Variants in CBFB observed in about 807,000 individuals in gnomAD.
The protein encoded by CBFB is core-binding factor subunit beta, also known as CBF-beta.
CBFB carries 9 observed loss-of-function variants against 30.4 expected under a neutral mutation model. The ratio of observed to expected loss-of-function variants is 0.30; its 90% confidence interval spans 0.18 to 0.52. CBFB has a LOEUF of 0.52. Ranked by LOEUF, CBFB falls within the 20% of genes least tolerant of loss-of-function variation. The pLI is 0.97. For missense variants in CBFB, 170 were observed against 244.0 expected (o/e 0.70, Z 2.02); for synonymous variants, 94 against 84.0 (o/e 1.12, Z -0.65).
At chr16:67,050,830 T>C (rs2054533994) in intron 3 of CBFB, among the ~76,000 whole-genome samples, 1 of 152,134 alleles carries the variant, frequency 6.6e-6, no homozygotes, top group Admixed American at 6.6e-5. Flanking sequence ...AGTGGAACAC[T>C]AATAACAATA....
intron 3 of CBFB, among the ~76,000 whole-genome samples, chr16:67,059,972 CTTTCT>C (rs1409379149): frequency 6.7e-5 from 10 of 148,220 alleles, no homozygotes; most frequent in African/African-American, 1.8e-4. Flanking sequence ...TTCTTTCTTT[CTTTCT>C]TTTTTTTTTT....
intron 3 of CBFB, among the ~76,000 whole-genome samples, chr16:67,061,946 C>G (rs1351580905): frequency 1.3e-5 from 2 of 151,848 alleles, no homozygotes; most frequent in Non-Finnish European, 1.5e-5. Context: ...GCAGGAGAAT[C>G]CTTTGAACCT....
Position 67,029,802 on chromosome 16 carries a change from C to T in CBFB, c.154C>T (p.Arg52Cys), listed in dbSNP as rs977318029. 5.0e-6 allele frequency: 8 copies of T among 1,586,870 alleles called. No homozygotes were observed. The highest frequency in any genetic ancestry group is 6.8e-6 in the Non-Finnish European group (8 of 1,168,870). The change falls in exon 2 of 6, where the codon CGC becomes TGC. Residue 52 changes from arginine to cysteine, a missense_variant. Coordinates refer to ENST00000412916, the MANE Select transcript of CBFB (RefSeq NM_022845.3). ...CTTCCAGAACGCCTGCCGCGACGGC[C>T]GCTCGGAAATCGTAAGTCGGCTGGC... ...ARFQNACRDG[R>C]SEIAFVATGT...
Position 67,066,686 on chromosome 16 carries a change from A to AT in CBFB, c.290dup (p.Leu97PhefsTer19). 6.4e-7 allele frequency: 1 copy of AT among 1,571,254 alleles called. No individual in the cohort carries two copies. Among genetic ancestry groups the AT allele is most frequent in the Non-Finnish European group, 8.7e-7 (1 of 1,143,620 alleles). ...TCATCCTTTTCTGTGTCTTAGGTAT[A>AT]TTTGAAGGCTCCCATGATTCTGAAT... On this transcript the variant is annotated frameshift_variant, in exon 4 of 6. Transcript: ENST00000412916. LOFTEE classifies it high-confidence loss of function.
chr16:67,070,418 C>A (rs1410109696), intron 4 of CBFB, among the ~76,000 whole-genome samples: 3 of 152,124 alleles, frequency 2.0e-5, no homozygotes, highest in Non-Finnish European at 4.4e-5. Flanking sequence ...CCCTGATTTC[C>A]ACAATGCTAA....
rs1002863812 is a variant in CBFB, at chr16:67,049,840, T to G, written c.282+13085T>G. Among the ~76,000 whole-genome samples, 5 of 152,248 alleles carry G rather than the reference T, an allele frequency of 3.3e-5. No homozygotes were observed. In the South Asian group the frequency reaches 1.0e-3, roughly 32 times the overall value. On this transcript the variant is annotated intron_variant, in intron 3 of 5. Transcript: ENST00000412916. Reference sequence around the variant, plus strand: ...ACACTGTGCTAGATGGTTTACATTATCACTAATTCTCCTAATACTGCACTG... The same window carrying G: ...ACACTGTGCTAGATGGTTTACATTAGCACTAATTCTCCTAATACTGCACTG...
rs569315875 is a variant in CBFB, at chr16:67,097,384, A to G, written c.496-1326A>G. On this transcript the variant is annotated intron_variant, in intron 5 of 5. Transcript: ENST00000412916. ...AACGTGGAGAAACCCCATCTCTACTAAAACTACAAAATTAGCCGGGCGTGG... is the reference window on the plus strand; with the variant it reads ...AACGTGGAGAAACCCCATCTCTACTGAAACTACAAAATTAGCCGGGCGTGG... 2.5e-3 allele frequency among the ~76,000 whole-genome samples: 379 copies of G among 152,272 alleles called. 2 individuals are homozygous for G. The highest frequency in any genetic ancestry group is 4.2e-3 in the Non-Finnish European group (285 of 68,008).
At chr16:67,063,724 G>A (rs1399260839) in intron 3 of CBFB, among the ~76,000 whole-genome samples, 1 of 152,066 alleles carries the variant, frequency 6.6e-6, no homozygotes, top group Admixed American at 6.6e-5. Flanking sequence ...GAGCTGCTGC[G>A]GCCAGCCAGA....
At chr16:67,057,776 ATTGATT>A (rs1960773615) in intron 3 of CBFB, among the ~76,000 whole-genome samples, 1 of 152,122 alleles carries the variant, frequency 6.6e-6, no homozygotes, top group African/African-American at 2.4e-5. Context: ...TCCTTTTACT[ATTGATT>A]TTAAGTGTTG....
At chr16:67,068,406 A>G (rs1445059592) in intron 4 of CBFB, among the ~76,000 whole-genome samples, 1 of 152,130 alleles carries the variant, frequency 6.6e-6, no homozygotes. Context: ...GCTTGAGTCC[A>G]GGAGCTCAAG....
intron 3 of CBFB, among the ~76,000 whole-genome samples, chr16:67,057,182 C>T (rs1037486468): frequency 1.3e-5 from 2 of 151,900 alleles, no homozygotes; most frequent in Non-Finnish European, 2.9e-5. Context: ...GGGGTTTCAC[C>T]ATGTTGGCCA....
intron 3 of CBFB, 128 bp downstream of exon 3, chr16:67,036,883 C>T (rs1966448153): frequency 3.1e-6 from 2 of 647,762 alleles, no homozygotes; most frequent in Admixed American, 2.4e-5. Flanking sequence ...GTTTTCATTC[C>T]ATGTTATAAG....
chr16:67,042,276 C>G (rs533698786), intron 3 of CBFB, among the ~76,000 whole-genome samples: 2 of 152,204 alleles, frequency 1.3e-5, no homozygotes, highest in Middle Eastern at 3.4e-3. Context: ...CTGCCTCTGT[C>G]TCTTGACTGA....
chr16:67,098,991 A>G lies in CBFB; in HGVS notation c.*213A>G. On this transcript the variant is annotated 3_prime_UTR_variant, in exon 6 of 6. Transcript: ENST00000412916. ...TAATTTTTTAAGCATGTAGCCAGTA[A>G]TAATTTGAAGTTTTTTTTCTATGCA... is the stretch of plus-strand genomic sequence containing the variant. The G allele has an allele frequency of 2.4e-6, 1 of 421,790 alleles. No individual in the cohort carries two copies. Among genetic ancestry groups the G allele is most frequent in the Non-Finnish European group, 4.2e-6 (1 of 238,970 alleles). The allele number at this position is 421,790 out of a possible 1,614,324, so 26.1% of individuals were successfully genotyped here.
intron 3 of CBFB, among the ~76,000 whole-genome samples, chr16:67,037,739 C>T (rs1337681098): frequency 1.4e-5 from 2 of 146,186 alleles, no homozygotes; most frequent in African/African-American, 5.2e-5. Flanking sequence ...GTGATCTTGG[C>T]TCACAGCAAC....
At chr16:67,075,196 A>AATAT (rs145342607) in intron 4 of CBFB, among the ~76,000 whole-genome samples, 2 of 42,116 alleles carry the variant, frequency 4.7e-5, no homozygotes, top group Non-Finnish European at 9.9e-5. Context: ...TCTCAAAAAA[A>AATAT]ATGTGTGTGT....
intron 5 of CBFB, among the ~76,000 whole-genome samples, chr16:67,089,952 G>C (rs904515211): frequency 6.6e-6 from 1 of 152,176 alleles, no homozygotes; most frequent in African/African-American, 2.4e-5. Flanking sequence ...ATCTGGAGTG[G>C]CAGGAAAACA....
intron 3 of CBFB, among the ~76,000 whole-genome samples, chr16:67,052,411 T>A (rs960978154): frequency 3.3e-5 from 5 of 150,780 alleles, no homozygotes; most frequent in Admixed American, 6.6e-5. Context: ...CCTTAAAAAA[T>A]AAAAACATTT....
At chr16:67,083,012 C>G (rs1296966198) in intron 5 of CBFB, among the ~76,000 whole-genome samples, 4 of 152,154 alleles carry the variant, frequency 2.6e-5, no homozygotes, top group Non-Finnish European at 4.4e-5. Context: ...AACTCTGTCT[C>G]TACAAAAAGT....
Sources: allele counts gnomAD v4.1 joint callset (sites outside exome capture counted in the v4.1 genomes callset), GRCh38; gene constraint gnomAD v4.1.1; transcripts MANE v1.5; gene names NCBI Gene and HGNC (gene_info 2026-07-23, HGNC 2026-07-21).